The following GABRB3 variants were observed in gnomAD, a reference collection of about 807,000 sequenced individuals.
GABRB3 encodes the protein gamma-aminobutyric acid receptor subunit beta-3.
GABRB3 carries 14 observed loss-of-function variants against 52.1 expected under a neutral mutation model. The observed-to-expected ratio is 0.27, with a 90% CI of 0.18 to 0.42. GABRB3 has a LOEUF of 0.42. Among genes scored for constraint, GABRB3 ranks in the 10% least tolerant of loss-of-function variants. The pLI is 1.00. For synonymous variants in GABRB3, 260 were observed against 232.3 expected, an observed-to-expected ratio of 1.12 and a Z score of -1.08; for missense variants, 307 against 609.1, an observed-to-expected ratio of 0.50 and a Z score of 5.22.
Position 26,544,088 on chromosome 15 carries a change from AT to A in GABRB3, c.*3704del, listed in dbSNP as rs1404805004. On this transcript the variant is annotated 3_prime_UTR_variant, in exon 9 of 9. Coordinates refer to ENST00000311550, the MANE Select transcript of GABRB3 (RefSeq NM_000814.6). ...CAGAGTCAATTCCAAGAGTAACAAA[AT>A]GTTTCACCAATTGTTCAGTTTTGCT... 1 of 152,482 alleles carries A rather than the reference AT, an allele frequency of 6.6e-6. No individual in the cohort carries two copies. Among genetic ancestry groups the A allele is most frequent in the African/African-American group, 2.4e-5 (1 of 41,444 alleles). The allele number at this position is 152,482 out of a possible 1,614,324, so 9.4% of individuals were successfully genotyped here. A position where few individuals can be genotyped will look rare whatever the true frequency, so the allele number is the denominator to read the frequency against.
At chr15:26,664,343 TGA>T (rs1248911944) in intron 3 of GABRB3, among the ~76,000 whole-genome samples, 1 of 152,170 alleles carries the variant, frequency 6.6e-6, no homozygotes, top group Non-Finnish European at 1.5e-5. Context: ...AAAAAACTCA[TGA>T]GAGGGGCAGC....
chr15:26,589,029 C>T (rs1658514010), intron 4 of GABRB3, among the ~76,000 whole-genome samples: 1 of 152,196 alleles, frequency 6.6e-6, no homozygotes, highest in Non-Finnish European at 1.5e-5. Flanking sequence ...ACGCTGTCTT[C>T]AACTACCCTT....
chr15:26,596,432 A>C (rs143751689), intron 4 of GABRB3, among the ~76,000 whole-genome samples: 74 of 152,216 alleles, frequency 4.9e-4, no homozygotes, highest in African/African-American at 1.7e-3. Flanking sequence ...CAAGCAGAAA[A>C]CCTAGAGACC....
chr15:26,585,843 C>T (rs1037731575), intron 4 of GABRB3, among the ~76,000 whole-genome samples: 2 of 152,208 alleles, frequency 1.3e-5, no homozygotes, highest in Non-Finnish European at 2.9e-5. Flanking sequence ...CACCTTTCAA[C>T]TCTGGCATGT....
At chr15:26,765,070 C>T (rs1453052604) in intron 3 of GABRB3, among the ~76,000 whole-genome samples, 2 of 141,520 alleles carry the variant, frequency 1.4e-5, no homozygotes, top group East Asian at 4.3e-4. Flanking sequence ...GCAGAGCTTG[C>T]AGTGAGCCGA....
intron 3 of GABRB3, chr15:26,629,176 C>T (rs981960457): frequency 1.3e-6 from 2 of 1,481,980 alleles, no homozygotes; most frequent in African/African-American, 1.4e-5. Context: ...AAGCAGCTCC[C>T]GGGAGACGGA....
intron 4 of GABRB3, among the ~76,000 whole-genome samples, chr15:26,595,410 A>G (rs1349420700): frequency 6.6e-6 from 1 of 152,118 alleles, no homozygotes; most frequent in African/African-American, 2.4e-5. Flanking sequence ...GCCCTAGGAT[A>G]TGGGTGGGGG....
At chr15:26,764,700 C>T (rs3212341) in intron 3 of GABRB3, among the ~76,000 whole-genome samples, 4,198 of 152,178 alleles carry the variant, frequency 0.028, 92 homozygotes, top group Middle Eastern at 0.062. Flanking sequence ...CTAGACAATC[C>T]TCTTAATGGC....
chr15:26,757,921 C>A (rs1223505963), intron 3 of GABRB3, among the ~76,000 whole-genome samples: 7 of 152,134 alleles, frequency 4.6e-5, no homozygotes, highest in African/African-American at 1.7e-4. Flanking sequence ...TAGTGTTTTG[C>A]CATACATATT....
intron 6 of GABRB3, among the ~76,000 whole-genome samples, chr15:26,569,582 C>G (rs556873090): frequency 6.6e-6 from 1 of 152,296 alleles, no homozygotes; most frequent in South Asian, 2.1e-4. Context: ...AAATAGTACT[C>G]TTAAGGATAT....
chr15:26,706,056 A>T (rs567588052), intron 3 of GABRB3, among the ~76,000 whole-genome samples: 2 of 152,292 alleles, frequency 1.3e-5, no homozygotes, highest in Non-Finnish European at 2.9e-5. Flanking sequence ...AGTTAAAATT[A>T]AAAAACAATA....
Position 26,724,256 on chromosome 15 carries a change from C to G in GABRB3, c.240+48146G>C, listed in dbSNP as rs1889714967. On this transcript the variant is annotated intron_variant, in intron 3 of 8. Transcript: ENST00000311550. ...TCAGTGGATCCTCTCTCCTCCTGGG[C>G]CATCACAGCTGAGAAATAAAAATGA... 2.0e-5 allele frequency among the ~76,000 whole-genome samples: 3 copies of G among 152,148 alleles called. No homozygotes were observed. In the South Asian group the frequency reaches 6.2e-4, roughly 31 times the overall value.
chr15:26,705,029 T>A (rs1461980968), intron 3 of GABRB3, among the ~76,000 whole-genome samples: 1 of 152,216 alleles, frequency 6.6e-6, no homozygotes, highest in Non-Finnish European at 1.5e-5. Context: ...TTGGTATTTG[T>A]TATAGCAACA....
At chr15:26,718,074 T>C (rs1382859591) in intron 3 of GABRB3, among the ~76,000 whole-genome samples, 1 of 152,216 alleles carries the variant, frequency 6.6e-6, no homozygotes, top group Non-Finnish European at 1.5e-5. Flanking sequence ...GCAGCACTGT[T>C]TAGTGTTCTT....
chr15:26,574,926 T>A (rs1350078418), intron 6 of GABRB3, among the ~76,000 whole-genome samples: 1 of 152,148 alleles, frequency 6.6e-6, no homozygotes, highest in African/African-American at 2.4e-5. Context: ...GGAAAAAAAA[T>A]GTTTACTACA....
intron 3 of GABRB3, among the ~76,000 whole-genome samples, chr15:26,654,802 AT>A (rs1046675946): frequency 7.9e-5 from 12 of 151,158 alleles, no homozygotes; most frequent in African/African-American, 1.7e-4. Flanking sequence ...ATCTTTGTAA[AT>A]TTTTTTTTGT....
At chr15:26,625,856 G>A (rs1411996546) in intron 3 of GABRB3, among the ~76,000 whole-genome samples, 1 of 152,060 alleles carries the variant, frequency 6.6e-6, no homozygotes, top group East Asian at 1.9e-4. Flanking sequence ...GTTTACAGAA[G>A]CAGCCCGCGT....
intron 5 of GABRB3, among the ~76,000 whole-genome samples, chr15:26,582,968 T>G (rs184338763): frequency 3.5e-3 from 532 of 152,160 alleles, no homozygotes; most frequent in Non-Finnish European, 4.8e-3. Flanking sequence ...TCAAGCCGAG[T>G]TCCTGATGGG....
intron 4 of GABRB3, among the ~76,000 whole-genome samples, chr15:26,616,558 T>C (rs138961757): frequency 9.8e-4 from 148 of 151,504 alleles, no homozygotes; most frequent in African/African-American, 3.5e-3. Context: ...TTCAAAAATC[T>C]GATGCTCTAA....
Sources: gnomAD v4.1 joint callset for allele counts (sites outside exome capture counted in the v4.1 genomes callset) on GRCh38, gnomAD v4.1.1 for gene constraint, MANE v1.5 for transcripts, NCBI Gene and HGNC (gene_info 2026-07-23, HGNC 2026-07-21) for gene names.